The following PHAX variants were observed in gnomAD, a reference collection of about 807,000 sequenced individuals.
PHAX encodes the protein phosphorylated adaptor for RNA export, also known as phosphorylated adapter RNA export protein.
PHAX carries 31 observed loss-of-function variants against 41.6 expected under a neutral mutation model. The ratio of observed to expected loss-of-function variants is 0.75; its 90% CI spans 0.56 to 1.01. The LOEUF (loss-of-function observed/expected upper bound fraction) is 1.01. Ranked by LOEUF, PHAX falls within the 50% of genes least tolerant of loss-of-function variation. The pLI is 0.00. For synonymous variants in PHAX, 175 were observed against 164.9 expected (o/e 1.06, Z -0.47); for missense variants, 453 against 472.9 (o/e 0.96, Z 0.39).
chr5:126,611,227 T>C (rs940873499), intron 3 of PHAX, among the ~76,000 whole-genome samples: 5 of 150,752 alleles, frequency 3.3e-5, no homozygotes, highest in African/African-American at 1.2e-4. Flanking sequence ...GCTAATTTTG[T>C]ATTTTTAATA....
At chr5:126,607,904 G>A (rs1215439256) in intron 2 of PHAX, among the ~76,000 whole-genome samples, 1 of 152,080 alleles carries the variant, frequency 6.6e-6, no homozygotes, top group Non-Finnish European at 1.5e-5. Context: ...AATATTAGCT[G>A]TTTCTATTTT....
At chr5:126,611,874 G>A (rs1413314032) in intron 3 of PHAX, among the ~76,000 whole-genome samples, 4 of 151,842 alleles carry the variant, frequency 2.6e-5, no homozygotes, top group East Asian at 1.9e-4. Flanking sequence ...AGAGGAGGAC[G>A]TTGCAGTTAA....
intron 3 of PHAX, among the ~76,000 whole-genome samples, chr5:126,616,803 C>A (rs1752193094): frequency 6.6e-6 from 1 of 151,666 alleles, no homozygotes; most frequent in African/African-American, 2.4e-5. Flanking sequence ...ACGCTTGAAC[C>A]CCGGAGGGCA....
chr5:126,608,183 A>G (rs960327456), intron 2 of PHAX, among the ~76,000 whole-genome samples, 181 bp from the exon 3 acceptor site: 4 of 152,226 alleles, frequency 2.6e-5, no homozygotes, highest in Non-Finnish European at 4.4e-5. Context: ...TGAGGTTACC[A>G]TCTCCTTCTG....
intron 3 of PHAX, among the ~76,000 whole-genome samples, chr5:126,610,263 G>A (rs548725232): frequency 1.1e-3 from 162 of 152,298 alleles, no homozygotes; most frequent in African/African-American, 3.6e-3. Flanking sequence ...GAGCACTGGC[G>A]GTTATAGAAG....
intron 3 of PHAX, among the ~76,000 whole-genome samples, chr5:126,610,431 C>T (rs778865228): frequency 6.6e-6 from 1 of 152,004 alleles, no homozygotes; most frequent in Non-Finnish European, 1.5e-5. Flanking sequence ...GAAAAAAAAC[C>T]CAGTTAGGAT....
intron 4 of PHAX, among the ~76,000 whole-genome samples, chr5:126,622,226 C>G (rs976250125): frequency 2.0e-5 from 3 of 151,934 alleles, no homozygotes; most frequent in Non-Finnish European, 2.9e-5. Context: ...CTCTGCCTCC[C>G]GGGTTCAGGT....
chr5:126,623,242 T>C (rs146704010), intron 4 of PHAX, among the ~76,000 whole-genome samples: 13 of 152,166 alleles, frequency 8.5e-5, no homozygotes, highest in Non-Finnish European at 1.6e-4. Context: ...GAGGTATAAT[T>C]ATACACTGCA....
chr5:126,616,351 G>A (rs996463244), intron 3 of PHAX, among the ~76,000 whole-genome samples: 5 of 152,016 alleles, frequency 3.3e-5, no homozygotes, highest in Admixed American at 1.3e-4. Context: ...CCGCCTCGGC[G>A]TCCAAAGTGC....
intron 4 of PHAX, among the ~76,000 whole-genome samples, chr5:126,620,373 A>G (rs1025591842): frequency 6.6e-6 from 1 of 152,214 alleles, no homozygotes. Context: ...ACCTTGGACA[A>G]ATAATATTCT....
chr5:126,625,724 TAG>T lies in PHAX; in HGVS notation c.*883_*884del, dbSNP rs749629853. On this transcript the variant is annotated 3_prime_UTR_variant, in exon 5 of 5. Coordinates refer to ENST00000297540, the MANE Select transcript of PHAX (RefSeq NM_032177.4). ...TTTGTTTTTTGGGGGGTTTTTTAGT[TAG>T]AGTCTTGATCTGTCACCCAGGCTGG... 20 of 152,060 alleles carry T rather than the reference TAG, an allele frequency of 1.3e-4. No homozygotes were observed. The highest frequency in any genetic ancestry group is 4.8e-4 in the African/African-American group (20 of 41,414). The allele number at this position is 152,060 out of a possible 1,614,324, so 9.4% of individuals were successfully genotyped here.
At chr5:126,621,255 C>G (rs375044647) in intron 4 of PHAX, among the ~76,000 whole-genome samples, 1 of 152,036 alleles carries the variant, frequency 6.6e-6, no homozygotes, top group Non-Finnish European at 1.5e-5. Flanking sequence ...ATGGCACTAT[C>G]GTAGCTCACT....
At chr5:126,621,745 A>C (rs1166350795) in intron 4 of PHAX, among the ~76,000 whole-genome samples, 1 of 152,198 alleles carries the variant, frequency 6.6e-6, no homozygotes, top group Non-Finnish European at 1.5e-5. Flanking sequence ...AAAGAAAAAA[A>C]AAAGCTCAGC....
At position 126,624,530 on chromosome 5, in the gene PHAX, AT is replaced by A. The variant is rs1348175913; in HGVS notation, c.916-44del. On this transcript the variant is annotated intron_variant, in intron 4 of 4. Coordinates refer to ENST00000297540, the MANE Select transcript of PHAX (RefSeq NM_032177.4). ...GGGACAGTCATGGAATAAACCTTTAATAACGTGGTAGTTCTTGTTTACTAAC... is the reference window on the plus strand; with the variant it reads ...GGGACAGTCATGGAATAAACCTTTAAAACGTGGTAGTTCTTGTTTACTAAC... The A allele has an allele frequency of 2.8e-6, 4 of 1,435,230 alleles. No individual in the cohort carries two copies. The African/African-American group carries it at 5.7e-5, about 20-fold the overall frequency. 88.9% of individuals were successfully genotyped at this position (1,435,230 alleles called of 1,614,324 possible). A position where few individuals can be genotyped will look rare whatever the true frequency, so the allele number is the denominator to read the frequency against.
intron 3 of PHAX, among the ~76,000 whole-genome samples, chr5:126,610,861 G>A (rs924576915): frequency 4.0e-5 from 6 of 151,636 alleles, no homozygotes; most frequent in African/African-American, 9.7e-5. Context: ...GCGTGCCACC[G>A]CGCTTGGCTA....
chr5:126,616,835 C>T (rs966044149), intron 3 of PHAX, among the ~76,000 whole-genome samples: 6 of 149,630 alleles, frequency 4.0e-5, no homozygotes, highest in African/African-American at 7.4e-5. Context: ...GAGCCGAGAT[C>T]GCGCCATTTC....
intron 2 of PHAX, among the ~76,000 whole-genome samples, chr5:126,606,730 C>A (rs1245021516): frequency 6.6e-6 from 1 of 152,146 alleles, no homozygotes; most frequent in Non-Finnish European, 1.5e-5. Flanking sequence ...CAGCTCACTG[C>A]AACCTCCGCC....
chr5:126,606,927 G>A (rs961327408), intron 2 of PHAX, among the ~76,000 whole-genome samples: 2 of 152,130 alleles, frequency 1.3e-5, no homozygotes, highest in African/African-American at 4.8e-5. Context: ...AAAGTGTTGG[G>A]ATTACAGGCA....
At chr5:126,609,170 G>A (rs753216593) in intron 3 of PHAX, among the ~76,000 whole-genome samples, 5 of 140,222 alleles carry the variant, frequency 3.6e-5, no homozygotes, top group Non-Finnish European at 7.5e-5. Flanking sequence ...GCGCAATCTC[G>A]GCTCACTGCA....
Sources: allele counts gnomAD v4.1 joint callset (sites outside exome capture counted in the v4.1 genomes callset), GRCh38; gene constraint gnomAD v4.1.1; transcripts MANE v1.5; gene names NCBI Gene and HGNC (gene_info 2026-07-23, HGNC 2026-07-21).